Variants in CDH12 observed in about 807,000 individuals in gnomAD.
CDH12 encodes the protein cadherin 12, also known as cadherin-12.
CDH12 carries 41 observed loss-of-function variants against 74.1 expected under a neutral mutation model. The observed-to-expected ratio is 0.55, with a 90% CI of 0.43 to 0.72. The LOEUF (loss-of-function observed/expected upper bound fraction) is 0.72. Among genes scored for constraint, CDH12 ranks in the 30% least tolerant of loss-of-function variants. The pLI is 0.00. For synonymous variants in CDH12, 399 were observed against 355.0 expected, an observed-to-expected ratio of 1.12 and a Z score of -1.39; for missense variants, 945 against 977.2, an observed-to-expected ratio of 0.97 and a Z score of 0.44.
chr5:21,816,427 C>T (rs139075766), intron 9 of CDH12, among the ~76,000 whole-genome samples: 1,949 of 151,486 alleles, frequency 0.013, 43 homozygotes, highest in African/African-American at 0.045. Flanking sequence ...GAGTTTGAGA[C>T]CAGCCTGACC....
rs550978593 is a variant in CDH12 at position 22,665,351 on chromosome 5, G to A, written c.-522-159987C>T. ...AAATTTTTTTTCCCAAAATCTATGG[G>A]AGAAGGATTTAAGAGACTTAAGGGG... On this transcript the variant is annotated intron_variant, in intron 1 of 14. Coordinates refer to ENST00000382254, the MANE Select transcript of CDH12 (RefSeq NM_004061.5). 2.0e-5 allele frequency among the ~76,000 whole-genome samples: 3 copies of A among 152,242 alleles called. No individual in the cohort carries two copies. In the South Asian group the frequency reaches 6.2e-4, roughly 32 times the overall value.
At chr5:22,789,067 T>C (rs1747783730) in intron 1 of CDH12, among the ~76,000 whole-genome samples, 1 of 152,084 alleles carries the variant, frequency 6.6e-6, no homozygotes, top group Non-Finnish European at 1.5e-5. Flanking sequence ...TATCATAGTT[T>C]ATTTTGAGTT....
intron 3 of CDH12, among the ~76,000 whole-genome samples, chr5:22,229,993 A>C (rs1436918984): frequency 6.6e-6 from 1 of 152,128 alleles, no homozygotes; most frequent in Non-Finnish European, 1.5e-5. Flanking sequence ...TCTATTAATA[A>C]ATAGTGAGAG....
chr5:22,511,865 T>A (rs1170515840), intron 1 of CDH12, among the ~76,000 whole-genome samples: 1 of 152,208 alleles, frequency 6.6e-6, no homozygotes. Context: ...ATTGCTTACA[T>A]AATTATTTCA....
At chr5:22,416,215 C>T (rs1743383710) in intron 2 of CDH12, among the ~76,000 whole-genome samples, 2 of 150,748 alleles carry the variant, frequency 1.3e-5, no homozygotes, top group East Asian at 2.0e-4. Flanking sequence ...GCTGGGACTA[C>T]AGGCGCCCGC....
intron 8 of CDH12, among the ~76,000 whole-genome samples, chr5:21,820,038 A>G (rs537519755): frequency 6.6e-6 from 1 of 152,118 alleles, no homozygotes; most frequent in East Asian, 1.9e-4. Flanking sequence ...CTAATGGATT[A>G]TGGTTAGTGA....
chr5:22,320,482 A>T (rs913576162), intron 3 of CDH12, among the ~76,000 whole-genome samples: 1 of 152,128 alleles, frequency 6.6e-6, no homozygotes, highest in Non-Finnish European at 1.5e-5. Flanking sequence ...TATAAAATAA[A>T]GGTCTCAGAT....
intron 1 of CDH12, among the ~76,000 whole-genome samples, chr5:22,553,868 G>A (rs78417223): frequency 0.023 from 3,527 of 152,024 alleles, 161 homozygotes; most frequent in East Asian, 0.14. Context: ...TAGATCCCTC[G>A]CATGCACATT....
At chr5:22,840,791 A>G (rs1737048202) in intron 1 of CDH12, among the ~76,000 whole-genome samples, 1 of 152,180 alleles carries the variant, frequency 6.6e-6, no homozygotes, top group Non-Finnish European at 1.5e-5. Flanking sequence ...TGCATATTAA[A>G]TAGAGAGGAT....
intron 6 of CDH12, among the ~76,000 whole-genome samples, chr5:21,896,433 A>G (rs1753126391): frequency 6.6e-6 from 1 of 152,238 alleles, no homozygotes; most frequent in Admixed American, 6.5e-5. Flanking sequence ...AAACTATTTC[A>G]CAAGCTGTGA....
At chr5:22,833,678 C>T (rs761629459) in intron 1 of CDH12, among the ~76,000 whole-genome samples, 2 of 151,990 alleles carry the variant, frequency 1.3e-5, no homozygotes, top group Non-Finnish European at 2.9e-5. Context: ...AGCTCTCTGT[C>T]GGAATATATT....
At chr5:22,829,637 G>A (rs200332816) in intron 1 of CDH12, among the ~76,000 whole-genome samples, 2 of 152,176 alleles carry the variant, frequency 1.3e-5, no homozygotes, top group African/African-American at 4.8e-5. Flanking sequence ...CATGTGAAAT[G>A]CTCATATTCA....
intron 1 of CDH12, among the ~76,000 whole-genome samples, chr5:22,727,003 T>C (rs1404006908): frequency 2.6e-5 from 4 of 152,010 alleles, no homozygotes; most frequent in Middle Eastern, 3.4e-3. Context: ...TTTCAGATAC[T>C]ATTTAAACAA....
chr5:22,579,948 G>T (rs974832966), intron 1 of CDH12, among the ~76,000 whole-genome samples: 1 of 152,046 alleles, frequency 6.6e-6, no homozygotes, highest in African/African-American at 2.4e-5. Context: ...CAGCTACCCT[G>T]GTCTCTTCTC....
intron 1 of CDH12, among the ~76,000 whole-genome samples, chr5:22,574,903 A>T (rs968371737): frequency 1.4e-4 from 22 of 152,282 alleles, no homozygotes; most frequent in Admixed American, 1.4e-3. Context: ...GCTTCTTCAC[A>T]TTCCCAATAT....
intron 1 of CDH12, among the ~76,000 whole-genome samples, chr5:22,761,496 T>C (rs1438708389): frequency 2.0e-5 from 3 of 152,184 alleles, no homozygotes; most frequent in Admixed American, 6.5e-5. Flanking sequence ...TATTAAGTGC[T>C]ACAGGCCCAA....
chr5:21,975,364 C>T lies in CDH12; in HGVS notation c.253G>A (p.Gly85Arg). The T allele has an allele frequency of 6.3e-7, 1 of 1,594,824 alleles. No individual in the cohort carries two copies. The highest frequency in any genetic ancestry group is 8.5e-7 in the Non-Finnish European group (1 of 1,178,842). ...VGKLHSDLDK[G>R]EGTVKYTLSG... ...AGGGTGTATTTCACAGTGCCCTCTC[C>T]CTTGTCTAAGTCGGAATGGAGCTTT... The change falls in exon 6 of 15, where the codon GGA becomes AGA. Residue 85 changes from glycine to arginine, a missense_variant. Gly to Arg is a moderately radical substitution (Grantham distance 125, BLOSUM62 -2). Coordinates refer to ENST00000382254, the MANE Select transcript of CDH12 (RefSeq NM_004061.5).
chr5:22,309,151 A>G (rs1010316864), intron 3 of CDH12, among the ~76,000 whole-genome samples: 1 of 152,160 alleles, frequency 6.6e-6, no homozygotes, highest in Admixed American at 6.5e-5. Context: ...CTCAGCTAAT[A>G]TATTGAGGCT....
chr5:22,764,391 A>G (rs1384248413), intron 1 of CDH12, among the ~76,000 whole-genome samples: 1 of 151,970 alleles, frequency 6.6e-6, no homozygotes, highest in Non-Finnish European at 1.5e-5. Context: ...TGTCTTTTCC[A>G]TATATATTTC....
Sources: gnomAD v4.1 joint callset for allele counts (sites outside exome capture counted in the v4.1 genomes callset) on GRCh38, gnomAD v4.1.1 for gene constraint, MANE v1.5 for transcripts, NCBI Gene and HGNC (gene_info 2026-07-23, HGNC 2026-07-21) for gene names.